Variants in KIAA1958 observed in about 807,000 individuals in gnomAD.
KIAA1958 encodes the protein KIAA1958, also known as uncharacterized protein KIAA1958.
Under a neutral mutation model 47.2 loss-of-function variants are expected in KIAA1958, and 14 were observed. That is an observed-to-expected ratio of 0.30 (90% confidence interval 0.20 to 0.46). The LOEUF (loss-of-function observed/expected upper bound fraction) is 0.46. Ranked by LOEUF, KIAA1958 falls within the 20% of genes least tolerant of loss-of-function variation. KIAA1958 has a pLI of 1.00. For missense variants in KIAA1958, 803 were observed against 909.2 expected, an observed-to-expected ratio of 0.88 and a Z score of 1.50; for synonymous variants, 354 against 353.3, an observed-to-expected ratio of 1.00 and a Z score of -0.02.
chr9:112,555,272 T>C (rs923193452), intron 1 of KIAA1958, among the ~76,000 whole-genome samples: 2 of 152,074 alleles, frequency 1.3e-5, no homozygotes, highest in Admixed American at 1.3e-4. Flanking sequence ...TTTGAAGGAG[T>C]GTCTCATTAA....
intron 1 of KIAA1958, among the ~76,000 whole-genome samples, chr9:112,502,124 C>T (rs1834152427): frequency 6.6e-6 from 1 of 152,098 alleles, no homozygotes; most frequent in South Asian, 2.1e-4. Flanking sequence ...GGAAGTTATT[C>T]TCATATGTAT....
At chr9:112,609,669 A>G (rs1836291677) in intron 2 of KIAA1958, among the ~76,000 whole-genome samples, 1 of 152,088 alleles carries the variant, frequency 6.6e-6, no homozygotes. Flanking sequence ...CTCCTACCTT[A>G]ACCTCTCAGG....
rs749782042 is a variant in KIAA1958, at chr9:112,574,445, TCTC to T, written c.368_370del (p.Ser123del). On this transcript the variant is annotated inframe_deletion, in exon 2 of 4. Coordinates refer to ENST00000337530, the MANE Select transcript of KIAA1958 (RefSeq NM_133465.4). ...AACCGGACCAGAGACTCTTGTGACT[TCTC>T]CTACTGTAGTGAGCCCTCTGAACTG... 17 of 1,614,036 alleles carry T rather than the reference TCTC, an allele frequency of 1.1e-5. No individual in the cohort carries two copies. The highest frequency in any genetic ancestry group is 5.5e-5 in the South Asian group (5 of 91,084).
At chr9:112,643,533 G>A (rs1321040014) in intron 2 of KIAA1958, among the ~76,000 whole-genome samples, 1 of 152,222 alleles carries the variant, frequency 6.6e-6, no homozygotes, top group Non-Finnish European at 1.5e-5. Context: ...AGTAATAGGA[G>A]TTATCCAGGT....
At position 112,502,521 on chromosome 9, in the gene KIAA1958, C is replaced by T. The variant is rs1834160394; in HGVS notation, c.-25+15403C>T. Among the ~76,000 whole-genome samples the T allele has an allele frequency of 2.0e-5, 3 of 152,154 alleles. No homozygotes were observed. In the South Asian group the frequency reaches 6.2e-4, roughly 32 times the overall value. Reference sequence around the variant, plus strand: ...GTTTATACTTGCACTGGCACCAGCCCTGTGTAAATGTTCCAGTTGCCCTGC... The same window carrying T: ...GTTTATACTTGCACTGGCACCAGCCTTGTGTAAATGTTCCAGTTGCCCTGC... On this transcript the variant is annotated intron_variant, in intron 1 of 3. Transcript: ENST00000337530.
chr9:112,526,610 A>G (rs965208839), intron 1 of KIAA1958, among the ~76,000 whole-genome samples: 1 of 152,230 alleles, frequency 6.6e-6, no homozygotes, highest in Admixed American at 6.5e-5. Flanking sequence ...TGGGAAGTCA[A>G]TATCAAGATG....
At chr9:112,630,438 AGTTTTGAGAC>A (rs1836690500) in intron 2 of KIAA1958, among the ~76,000 whole-genome samples, 1 of 152,166 alleles carries the variant, frequency 6.6e-6, no homozygotes, top group African/African-American at 2.4e-5. Context: ...TGAAGCTGGG[AGTTTTGAGAC>A]CAGCCTGGAC....
chr9:112,585,825 C>T (rs1007711016), intron 2 of KIAA1958, among the ~76,000 whole-genome samples: 7 of 152,186 alleles, frequency 4.6e-5, no homozygotes, highest in African/African-American at 1.7e-4. Flanking sequence ...GAAAGGTCTT[C>T]AGGGCACAGA....
chr9:112,602,577 C>T (rs908259579), intron 2 of KIAA1958, among the ~76,000 whole-genome samples: 4 of 152,094 alleles, frequency 2.6e-5, no homozygotes, highest in African/African-American at 9.7e-5. Context: ...TATGTTCATT[C>T]TGGTATGGAC....
intron 1 of KIAA1958, among the ~76,000 whole-genome samples, chr9:112,522,190 C>T (rs1486930473): frequency 2.0e-5 from 3 of 152,196 alleles, no homozygotes; most frequent in Non-Finnish European, 2.9e-5. Flanking sequence ...AGGCTGGTCT[C>T]GAACTCCCGA....
intron 1 of KIAA1958, among the ~76,000 whole-genome samples, chr9:112,543,320 A>C (rs1424832815): frequency 2.0e-5 from 3 of 152,136 alleles, no homozygotes; most frequent in Non-Finnish European, 4.4e-5. Context: ...AATATTAGTA[A>C]AATATTTGGA....
rs556886512 is a variant in KIAA1958 at position 112,663,691 on chromosome 9, G to A, written c.*3622G>A. The stretch of plus-strand genomic sequence containing the variant: ...TGTGTTTGCAAAAAGGAATTTTATG[G>A]AAGTACCTAACCAAAGCTGTGACAG... On this transcript the variant is annotated 3_prime_UTR_variant, in exon 4 of 4. Coordinates refer to ENST00000337530, the MANE Select transcript of KIAA1958 (RefSeq NM_133465.4). The A allele has an allele frequency of 2.9e-4, 44 of 152,320 alleles. No individual in the cohort carries two copies. In the Middle Eastern group the frequency reaches 0.01, roughly 35 times the overall value. The allele number at this position is 152,320 out of a possible 1,614,324, so 9.4% of individuals were successfully genotyped here. A position where few individuals can be genotyped will look rare whatever the true frequency, so the allele number is the denominator to read the frequency against.
At chr9:112,647,051 A>C (rs1412462442) in intron 3 of KIAA1958, among the ~76,000 whole-genome samples, 3 of 152,160 alleles carry the variant, frequency 2.0e-5, no homozygotes, top group African/African-American at 4.8e-5. Context: ...GTGCTTAGGG[A>C]ATCAACAACA....
intron 1 of KIAA1958, among the ~76,000 whole-genome samples, chr9:112,532,170 C>CTTT (rs1359748984): frequency 1.3e-5 from 2 of 152,086 alleles, no homozygotes; most frequent in Non-Finnish European, 2.9e-5. Flanking sequence ...TGCAGAGTAG[C>CTTT]TTTTGTAGGC....
chr9:112,491,904 A>G (rs1444028364), intron 1 of KIAA1958, among the ~76,000 whole-genome samples: 2 of 151,930 alleles, frequency 1.3e-5, no homozygotes, highest in Non-Finnish European at 2.9e-5. Context: ...TCCTTTTTTA[A>G]TTGCAAATAT....
In KIAA1958 at chr9:112,618,019, G is replaced by A; in HGVS notation, c.1172-27631G>A. On this transcript the variant is annotated intron_variant, in intron 2 of 3. Coordinates refer to ENST00000337530, the MANE Select transcript of KIAA1958 (RefSeq NM_133465.4). The surrounding 1 kb of genome is among the most constrained non-coding windows in gnomAD (Gnocchi z 7.1). ...AGATTTATGTCATCCCTTGCAAGGA[G>A]TTGGATGCCTACCTTGCCTCTTTCT... 4 of 1,550,616 alleles carry A rather than the reference G, an allele frequency of 2.6e-6. No homozygotes were observed. Among genetic ancestry groups the A allele is most frequent in the Non-Finnish European group, 3.5e-6 (4 of 1,147,008 alleles).
At chr9:112,537,662 G>T (rs1303969366) in intron 1 of KIAA1958, among the ~76,000 whole-genome samples, 1 of 152,180 alleles carries the variant, frequency 6.6e-6, no homozygotes, top group Non-Finnish European at 1.5e-5. Context: ...ACAAAGATAT[G>T]GAGCAACAGG....
At chr9:112,520,774 A>C (rs994259511) in intron 1 of KIAA1958, among the ~76,000 whole-genome samples, 1 of 152,228 alleles carries the variant, frequency 6.6e-6, no homozygotes, top group African/African-American at 2.4e-5. Flanking sequence ...AGAAATACTG[A>C]TGTCCTGAGT....
At chr9:112,579,348 G>C (rs565850837) in intron 2 of KIAA1958, among the ~76,000 whole-genome samples, 12 of 152,108 alleles carry the variant, frequency 7.9e-5, no homozygotes, top group Middle Eastern at 3.4e-3. Flanking sequence ...ATATTTCTCT[G>C]TATTTCCCTC....
Sources: gnomAD v4.1 joint callset for allele counts (sites outside exome capture counted in the v4.1 genomes callset) on GRCh38, gnomAD v4.1.1 for gene constraint, Gnocchi (gnomAD v3.1) non-coding constraint, MANE v1.5 for transcripts, NCBI Gene and HGNC (gene_info 2026-07-23, HGNC 2026-07-21) for gene names.